RYR3: variants seen among roughly 807,000 people sequenced by gnomAD.
RYR3 encodes the protein brain ryanodine receptor-calcium release channel.
In RYR3, 207 loss-of-function variants were observed where a neutral mutation model predicts 584.3. The ratio of observed to expected loss-of-function variants is 0.35; its 90% CI spans 0.32 to 0.40. The LOEUF is 0.40. RYR3 is among the 10% of genes least tolerant of loss of function. The pLI, the probability that RYR3 is intolerant of heterozygous loss-of-function variation, is 1.00. For synonymous variants in RYR3, 2,416 were observed against 2,248.5 expected, an observed-to-expected ratio of 1.07 and a Z score of -2.11; for missense variants, 5,616 against 6,089.2, an observed-to-expected ratio of 0.92 and a Z score of 2.59.
At chr15:33,629,247 G>T (rs1259668690) in intron 21 of RYR3, among the ~76,000 whole-genome samples, 1 of 152,214 alleles carries the variant, frequency 6.6e-6, no homozygotes, top group Admixed American at 6.5e-5. Context: ...TTGAAAGAAT[G>T]AATTACTTAA....
At chr15:33,748,595 A>G (rs2070978739) in intron 55 of RYR3, 65 bp downstream of exon 55, 8 of 1,333,178 alleles carry the variant, frequency 6.0e-6, no homozygotes, top group Non-Finnish European at 7.4e-6. Flanking sequence ...CCAAAGAGTT[A>G]AAGGGGGAAA....
rs754873414 is a variant in RYR3 at position 33,311,117 on chromosome 15, C to T, written c.51+21C>T. Reference sequence around the variant, plus strand: ...GGACTGTGAGTCTCCGCGGCGGGGGCGAGGCCGTGGGCAGGTGGGGAGGAG... The same window carrying T: ...GGACTGTGAGTCTCCGCGGCGGGGGTGAGGCCGTGGGCAGGTGGGGAGGAG... On this transcript the variant is annotated intron_variant, in intron 1 of 103. Transcript: ENST00000634891. This position sits in a 1 kb window ranked among gnomAD's most constrained non-coding sequence, Gnocchi z 4.4. 2.5e-5 allele frequency: 39 copies of T among 1,557,190 alleles called. No homozygotes were observed. The South Asian group carries it at 4.3e-4, about 17-fold the overall frequency.
chr15:33,647,314 C>A, intron 29 of RYR3, 110 bp from the exon 30 acceptor site: 1 of 805,252 alleles, frequency 1.2e-6, no homozygotes, highest in Non-Finnish European at 2.1e-6. Flanking sequence ...TAGGGAGTAG[C>A]CAGTTTCCTA....
chr15:33,834,859 T>G, intron 86 of RYR3, 109 bp from the exon 87 acceptor site: 1 of 695,430 alleles, frequency 1.4e-6, no homozygotes, highest in Non-Finnish European at 2.4e-6. Context: ...ATATTTGACT[T>G]TTGGAAAGTC....
intron 1 of RYR3, among the ~76,000 whole-genome samples, chr15:33,420,257 T>C (rs2044143827): frequency 6.6e-6 from 1 of 151,846 alleles, no homozygotes. Context: ...AAAAAGAAAA[T>C]ATAATTGGGT....
chr15:33,809,939 T>C (rs1354114089), intron 70 of RYR3, among the ~76,000 whole-genome samples: 1 of 152,208 alleles, frequency 6.6e-6, no homozygotes, highest in African/African-American at 2.4e-5. Flanking sequence ...TTCTCCTAAC[T>C]TTCCTTCAGC....
intron 66 of RYR3, among the ~76,000 whole-genome samples, chr15:33,787,477 C>T (rs1351591780): frequency 6.6e-6 from 1 of 151,514 alleles, no homozygotes; most frequent in Middle Eastern, 3.2e-3. Flanking sequence ...TGGTTCACAA[C>T]TCTCACTCAC....
intron 64 of RYR3, 121 bp from the exon 65 acceptor site, chr15:33,780,090 G>A: frequency 1.7e-6 from 2 of 1,152,442 alleles, no homozygotes; most frequent in Non-Finnish European, 2.5e-6. Flanking sequence ...GTGCATGCAA[G>A]CTTGCTGAGC....
intron 5 of RYR3, among the ~76,000 whole-genome samples, chr15:33,534,253 T>C (rs1454886799): frequency 2.0e-5 from 3 of 152,014 alleles, no homozygotes; most frequent in African/African-American, 7.3e-5. Context: ...GTACAAAAAT[T>C]AGCTGGGTGT....
At chr15:33,649,735 T>A (rs1332357014) in intron 31 of RYR3, among the ~76,000 whole-genome samples, 3 of 152,106 alleles carry the variant, frequency 2.0e-5, no homozygotes, top group Non-Finnish European at 4.4e-5. Context: ...AAATAGAAAT[T>A]AGGAAACTTT....
intron 98 of RYR3, among the ~76,000 whole-genome samples, chr15:33,857,082 A>ATACTT (rs1278116326): frequency 6.6e-6 from 1 of 152,140 alleles, no homozygotes; most frequent in Non-Finnish European, 1.5e-5. Flanking sequence ...GCACTATTCA[A>ATACTT]TACTTAAGTT....
At chr15:33,631,685 C>T (rs1299409300) in intron 23 of RYR3, among the ~76,000 whole-genome samples, 1 of 152,200 alleles carries the variant, frequency 6.6e-6, no homozygotes, top group Non-Finnish European at 1.5e-5. Context: ...ATCTCTGCCA[C>T]CATTCGTTTG....
At chr15:33,852,282 G>GAA (rs2079184297) in intron 94 of RYR3, 1 of 152,178 alleles carries the variant, frequency 6.6e-6, no homozygotes, top group African/African-American at 2.4e-5. Context: ...TTCTGGATAG[G>GAA]AACAACATAT....
intron 2 of RYR3, among the ~76,000 whole-genome samples, chr15:33,492,489 G>A (rs1000663317): frequency 1.3e-5 from 2 of 151,388 alleles, no homozygotes; most frequent in Admixed American, 6.6e-5. Flanking sequence ...CCATGTAGGA[G>A]CAAAAAATAA....
intron 70 of RYR3, 65 bp from the exon 71 acceptor site, chr15:33,810,414 C>A: frequency 1.3e-6 from 2 of 1,556,378 alleles, no homozygotes; most frequent in Non-Finnish European, 1.8e-6. Flanking sequence ...CTGCCTCTGA[C>A]AGGAGGCCGT....
At chr15:33,836,787 C>G (rs1192931187) in intron 87 of RYR3, 119 bp from the exon 88 acceptor site, 1 of 677,654 alleles carries the variant, frequency 1.5e-6, no homozygotes, top group Non-Finnish European at 2.5e-6. Context: ...GAAGGAAGCT[C>G]TTTCCCGACA....
intron 1 of RYR3, among the ~76,000 whole-genome samples, chr15:33,364,935 G>C (rs16970122): frequency 0.12 from 18,551 of 152,166 alleles, 1,246 homozygotes; most frequent in Middle Eastern, 0.22. Context: ...ACTTGCAAAC[G>C]ATCTCAGGAA....
In RYR3 at chr15:33,632,943, T is replaced by G. The variant is rs765377131; in HGVS notation, c.2868-6T>G. The G allele has an allele frequency of 2.5e-6, 4 of 1,606,676 alleles. No homozygotes were observed. The highest frequency in any genetic ancestry group is 3.4e-6 in the Non-Finnish European group (4 of 1,176,558). On this transcript the variant is annotated splice_region_variant and splice_polypyrimidine_tract_variant and intron_variant, in intron 23 of 103. Coordinates refer to ENST00000634891, the MANE Select transcript of RYR3 (RefSeq NM_001036.6). Reference sequence around the variant, plus strand: ...TAAAAATGTATACTTTTACATTTACTTGTAGCTATATGATGTCCAACGGCT... The same window carrying G: ...TAAAAATGTATACTTTTACATTTACGTGTAGCTATATGATGTCCAACGGCT...
In RYR3 at chr15:33,464,487, T is replaced by C. The variant is rs760293375; in HGVS notation, c.52-8932T>C. ...AGATATATATATATATATATATATA[T>C]ATACACATATATATATACATACACA... On this transcript the variant is annotated intron_variant, in intron 1 of 103. Coordinates refer to ENST00000634891, the MANE Select transcript of RYR3 (RefSeq NM_001036.6). Among the ~76,000 whole-genome samples the C allele has an allele frequency of 3.3e-4, 28 of 84,710 alleles. 3 individuals carry two copies. Among genetic ancestry groups the C allele is most frequent in the African/African-American group, 1.7e-3 (25 of 15,056 alleles). 55.6% of individuals were successfully genotyped at this position (84,710 alleles called of 152,430 possible). A position where few individuals can be genotyped will look rare whatever the true frequency, so the allele number is the denominator to read the frequency against.
Sources: allele counts gnomAD v4.1 joint callset (sites outside exome capture counted in the v4.1 genomes callset), GRCh38; gene constraint gnomAD v4.1.1; non-coding constraint Gnocchi (gnomAD v3.1); transcripts MANE v1.5; gene names NCBI Gene and HGNC (gene_info 2026-07-23, HGNC 2026-07-21).